Variants in COL4A6 observed in about 807,000 individuals in gnomAD.
COL4A6 encodes collagen alpha-6(IV) chain.
A neutral mutation model predicts 126.7 loss-of-function variants in COL4A6; 59 were observed. The ratio of observed to expected loss-of-function variants is 0.47; its 90% confidence interval spans 0.38 to 0.58. The LOEUF is 0.58. COL4A6 is among the 20% of genes least tolerant of loss of function. COL4A6 has a pLI of 0.00. For missense variants in COL4A6, 1,285 were observed against 1,337.3 expected (o/e 0.96, Z 0.61); for synonymous variants, 547 against 496.6 (o/e 1.10, Z -1.35).
At chrX:108,170,549 G>T in intron 35 of COL4A6, 60 bp downstream of exon 35, 2 of 917,148 alleles carry the variant, frequency 2.2e-6, no homozygotes, top group Non-Finnish European at 1.6e-6. Flanking sequence ...AGATAAAGTA[G>T]TTGGTGTCCT....
At chrX:108,276,505 TC>T (rs1349047560) in intron 3 of COL4A6, among the ~76,000 whole-genome samples, 2 of 112,572 alleles carry the variant, frequency 1.8e-5, no homozygotes, top group African/African-American at 6.5e-5. Flanking sequence ...ACCTACTATG[TC>T]CCAGATACTT....
chrX:108,351,332 T>C (rs2039837413), intron 2 of COL4A6, among the ~76,000 whole-genome samples: 1 of 111,698 alleles, frequency 9.0e-6, no homozygotes, highest in Non-Finnish European at 1.9e-5. Context: ...CATTTTCTGA[T>C]TTGAAAATAA....
At chrX:108,204,461 T>C (rs1438175146) in intron 11 of COL4A6, 49 bp from the exon 12 acceptor site, 2 of 1,082,767 alleles carry the variant, frequency 1.8e-6, no homozygotes, top group Non-Finnish European at 2.6e-6. Flanking sequence ...ACACCGACCG[T>C]TTTTCCAGAG....
chrX:108,245,860 T>C (rs773734493), intron 3 of COL4A6, among the ~76,000 whole-genome samples: 2 of 112,031 alleles, frequency 1.8e-5, no homozygotes, highest in South Asian at 3.8e-4. Flanking sequence ...TGGCAGATGA[T>C]CTGAGAATTG....
chrX:108,214,007 G>T (rs934309152), intron 6 of COL4A6, 105 bp downstream of exon 6: 2 of 633,523 alleles, frequency 3.2e-6, no homozygotes, highest in Non-Finnish European at 5.2e-6. Context: ...AGGGTGTGTA[G>T]TGGCTGCCCC....
chrX:108,205,901 G>C (rs898051798), intron 9 of COL4A6, among the ~76,000 whole-genome samples: 1 of 111,168 alleles, frequency 9.0e-6, no homozygotes, highest in Non-Finnish European at 1.9e-5. Context: ...CTAAGGTAGT[G>C]AAGACTTCAT....
At chrX:108,200,368 A>C (rs1048541258) in intron 13 of COL4A6, among the ~76,000 whole-genome samples, 16 of 112,504 alleles carry the variant, frequency 1.4e-4, no homozygotes, top group African/African-American at 4.8e-4. Flanking sequence ...TACTTACAGT[A>C]CATCTCATTT....
intron 2 of COL4A6, among the ~76,000 whole-genome samples, chrX:108,373,044 A>G (rs1467070816): frequency 2.7e-5 from 3 of 111,198 alleles, no homozygotes; most frequent in Non-Finnish European, 5.7e-5. Context: ...TTTGATACAA[A>G]ATTTTCTGTC....
chrX:108,391,183 C>T (rs1470517730), intron 2 of COL4A6, among the ~76,000 whole-genome samples: 1 of 111,782 alleles, frequency 8.9e-6, no homozygotes, highest in Non-Finnish European at 1.9e-5. Context: ...GAAGGGCCCA[C>T]TTGAGCAGGC....
At chrX:108,175,272 G>T in intron 29 of COL4A6, 57 bp from the exon 30 acceptor site, 9 of 1,103,149 alleles carry the variant, frequency 8.2e-6, no homozygotes, top group Non-Finnish European at 1.1e-5. Flanking sequence ...TCAGGCAAAG[G>T]CTGACCTTTC....
chrX:108,249,624 T>C (rs946507110), intron 3 of COL4A6, among the ~76,000 whole-genome samples: 2 of 111,840 alleles, frequency 1.8e-5, no homozygotes, highest in East Asian at 5.7e-4. Context: ...GATATCTTCA[T>C]AGGGGTGAAG....
At chrX:108,203,960 C>T (rs2035466720) in intron 12 of COL4A6, among the ~76,000 whole-genome samples, 1 of 80,575 alleles carries the variant, frequency 1.2e-5, no homozygotes, top group Admixed American at 1.2e-4. Context: ...ACTTTGGGGA[C>T]ACCATAAGTA....
intron 2 of COL4A6, among the ~76,000 whole-genome samples, chrX:108,348,457 G>T (rs761609874): frequency 1.8e-5 from 2 of 111,005 alleles, no homozygotes; most frequent in Non-Finnish European, 3.8e-5. Flanking sequence ...TTGGAAAAAC[G>T]GATTTTTTTA....
chrX:108,160,437 G>A (rs770826983), intron 43 of COL4A6, 26 bp downstream of exon 43: 1 of 1,169,305 alleles, frequency 8.6e-7, no homozygotes, highest in South Asian at 2.0e-5. Flanking sequence ...AGGTGACCAG[G>A]GCTGGCTGTC....
chrX:108,177,090 G>T, intron 27 of COL4A6, 79 bp from the exon 28 acceptor site: 1 of 951,963 alleles, frequency 1.1e-6, no homozygotes, highest in Non-Finnish European at 1.4e-6. Flanking sequence ...CTATATCATA[G>T]CTTCTGATTG....
intron 5 of COL4A6, among the ~76,000 whole-genome samples, chrX:108,216,364 C>T (rs1446902309): frequency 1.8e-5 from 2 of 112,043 alleles, no homozygotes; most frequent in African/African-American, 3.2e-5. Context: ...CCTTCCCCAG[C>T]TTGAGCCTCA....
At chrX:108,285,489 G>A (rs773534177) in intron 3 of COL4A6, among the ~76,000 whole-genome samples, 1 of 111,519 alleles carries the variant, frequency 9.0e-6, no homozygotes, top group African/African-American at 3.3e-5. Context: ...ATGTCTGAGC[G>A]GAGGGTTGTT....
chrX:108,389,425 G>C lies in COL4A6; in HGVS notation c.63+48517C>G, dbSNP rs12689593. On this transcript the variant is annotated intron_variant, in intron 2 of 44. Coordinates refer to ENST00000334504, the MANE Select transcript of COL4A6 (RefSeq NM_033641.4). ...CCGTATTGGGTGCATATATATTTAG[G>C]ATAGTTACCTCTTCTTTTGCATTGA... Among the ~76,000 whole-genome samples, 677 of 111,769 alleles carry C rather than the reference G, an allele frequency of 6.1e-3. 2 individuals are homozygous for C. The highest frequency in any genetic ancestry group is 0.034 in the East Asian group (122 of 3,545).
intron 2 of COL4A6, among the ~76,000 whole-genome samples, chrX:108,434,726 G>A (rs2064233200): frequency 1.9e-5 from 2 of 107,206 alleles, no homozygotes; most frequent in South Asian, 4.0e-4. Flanking sequence ...ACTTAATAGT[G>A]TACTCATACA....
Sources: gnomAD v4.1 joint callset for allele counts (sites outside exome capture counted in the v4.1 genomes callset) on GRCh38, gnomAD v4.1.1 for gene constraint, MANE v1.5 for transcripts, NCBI Gene and HGNC (gene_info 2026-07-23, HGNC 2026-07-21) for gene names.